Variants in IL1RAPL2 observed in about 807,000 individuals in gnomAD.
IL1RAPL2 encodes the protein X-linked interleukin-1 receptor accessory protein-like 2.
In IL1RAPL2, 3 loss-of-function variants were observed where a neutral mutation model predicts 44.1. The observed-to-expected ratio is 0.07, with a 90% CI of 0.03 to 0.18. The LOEUF (loss-of-function observed/expected upper bound fraction) is 0.18. Among genes scored for constraint, IL1RAPL2 ranks in the 10% least tolerant of loss-of-function variants. IL1RAPL2 has a pLI of 1.00. For synonymous variants in IL1RAPL2, 181 were observed against 178.8 expected, an observed-to-expected ratio of 1.01 and a Z score of -0.10; for missense variants, 391 against 496.4, an observed-to-expected ratio of 0.79 and a Z score of 2.02.
chrX:105,407,606 C>CT (rs761323014), intron 5 of IL1RAPL2, among the ~76,000 whole-genome samples: 1 of 111,471 alleles, frequency 9.0e-6, no homozygotes, highest in Admixed American at 9.6e-5. Flanking sequence ...CCCTAAGACT[C>CT]TTTTCAGGTT....
intron 2 of IL1RAPL2, among the ~76,000 whole-genome samples, chrX:104,884,344 C>T (rs12013097): frequency 0.054 from 5,986 of 111,366 alleles, 427 homozygotes; most frequent in African/African-American, 0.19. Flanking sequence ...GGGACCGTTG[C>T]GGGTTCTTGG....
At chrX:104,890,213 G>T (rs1923384258) in intron 2 of IL1RAPL2, among the ~76,000 whole-genome samples, 1 of 111,699 alleles carries the variant, frequency 9.0e-6, no homozygotes. Flanking sequence ...GGACACTTGG[G>T]TTGGTCCAAG....
intron 6 of IL1RAPL2, among the ~76,000 whole-genome samples, chrX:105,614,117 T>C (rs1181873219): frequency 8.9e-6 from 1 of 111,818 alleles, no homozygotes; most frequent in Non-Finnish European, 1.9e-5. Flanking sequence ...AGGAGTAAAT[T>C]TAACAAAAGA....
At chrX:104,684,987 T>G (rs1203723849) in intron 2 of IL1RAPL2, among the ~76,000 whole-genome samples, 1 of 111,918 alleles carries the variant, frequency 8.9e-6, no homozygotes, top group African/African-American at 3.3e-5. Context: ...TTTAAATCCA[T>G]TTTAAAGTGA....
At chrX:105,327,675 T>C (rs2034950974) in intron 5 of IL1RAPL2, among the ~76,000 whole-genome samples, 1 of 111,485 alleles carries the variant, frequency 9.0e-6, no homozygotes, top group East Asian at 2.8e-4. Flanking sequence ...GGGAAGTCCA[T>C]AGGGGCTGGT....
rs866552934 is a variant in IL1RAPL2, at chrX:105,311,657, T to C, written c.697+44116T>C. Among the ~76,000 whole-genome samples the C allele has an allele frequency of 8.5e-3, 876 of 103,230 alleles. 7 individuals carry two copies. Among genetic ancestry groups the C allele is most frequent in the Non-Finnish European group, 0.012 (630 of 51,563 alleles). The allele number at this position is 103,230 out of a possible 115,157, so 89.6% of individuals were successfully genotyped here. A position where few individuals can be genotyped will look rare whatever the true frequency, so the allele number is the denominator to read the frequency against. Reference sequence around the variant, plus strand: ...ACACACACACATATATATATATATATACACACAGACACACATATATATAAT... The same window carrying C: ...ACACACACACATATATATATATATACACACACAGACACACATATATATAAT... On this transcript the variant is annotated intron_variant, in intron 5 of 10. Coordinates refer to ENST00000372582, the MANE Select transcript of IL1RAPL2 (RefSeq NM_017416.2).
intron 2 of IL1RAPL2, among the ~76,000 whole-genome samples, chrX:105,099,381 T>C (rs1246831935): frequency 2.9e-5 from 3 of 105,141 alleles, no homozygotes; most frequent in Non-Finnish European, 5.8e-5. Context: ...CTTACAGTCA[T>C]GGCAGGGGGT....
At chrX:104,918,027 CA>C (rs201059664) in intron 2 of IL1RAPL2, among the ~76,000 whole-genome samples, 6,039 of 110,647 alleles carry the variant, frequency 0.055, 434 homozygotes, top group African/African-American at 0.19. Context: ...TTTAGGACTC[CA>C]AAAAAAATTT....
At chrX:105,642,303 T>C (rs573153180) in intron 6 of IL1RAPL2, among the ~76,000 whole-genome samples, 26 of 112,153 alleles carry the variant, frequency 2.3e-4, no homozygotes, top group African/African-American at 7.8e-4. Context: ...ACTTCCCAAG[T>C]AATATACAGA....
At chrX:105,198,950 C>T (rs1556143487) in intron 3 of IL1RAPL2, among the ~76,000 whole-genome samples, 1 of 111,701 alleles carries the variant, frequency 9.0e-6, no homozygotes, top group South Asian at 3.7e-4. Context: ...ACTTTGATCA[C>T]CTGGCTTGAG....
At chrX:105,023,834 T>A (rs1286886691) in intron 2 of IL1RAPL2, among the ~76,000 whole-genome samples, 1 of 111,561 alleles carries the variant, frequency 9.0e-6, no homozygotes, top group Non-Finnish European at 1.9e-5. Flanking sequence ...ATATTATATT[T>A]TACTCTTATC....
chrX:105,006,175 C>T (rs16984595), intron 2 of IL1RAPL2, among the ~76,000 whole-genome samples: 7,842 of 110,097 alleles, frequency 0.071, 691 homozygotes, highest in African/African-American at 0.24. Context: ...CTGCTAATTC[C>T]GAGAAAGCCA....
In IL1RAPL2 at chrX:104,897,870, AC is replaced by A. The variant is rs1165244760; in HGVS notation, c.82+238877del. ...AGAGTTGCTGGCTACTTAAAGGAGA[AC>A]CTTTTGTAAAGTGAAGAAAAGTTTA... On this transcript the variant is annotated intron_variant, in intron 2 of 10. Coordinates refer to ENST00000372582, the MANE Select transcript of IL1RAPL2 (RefSeq NM_017416.2). Among the ~76,000 whole-genome samples, 7 of 111,919 alleles carry A rather than the reference AC, an allele frequency of 6.3e-5. No individual in the cohort carries two copies. In the East Asian group the frequency reaches 2.0e-3, roughly 32 times the overall value.
chrX:105,285,693 G>T (rs1314472528), intron 5 of IL1RAPL2, among the ~76,000 whole-genome samples: 1 of 111,896 alleles, frequency 8.9e-6, no homozygotes, highest in Non-Finnish European at 1.9e-5. Flanking sequence ...ATACTCCACA[G>T]TGTCTTTCTG....
intron 5 of IL1RAPL2, among the ~76,000 whole-genome samples, chrX:105,353,312 C>G (rs146857858): frequency 0.13 from 14,438 of 111,101 alleles, 2,293 homozygotes; most frequent in African/African-American, 0.45. Context: ...GTACCAGTAC[C>G]ATGCTGTTTT....
At chrX:105,128,966 CT>C (rs1364486038) in intron 2 of IL1RAPL2, among the ~76,000 whole-genome samples, 1 of 111,441 alleles carries the variant, frequency 9.0e-6, no homozygotes, top group Non-Finnish European at 1.9e-5. Context: ...CCTTAATTAA[CT>C]TTTCTGTTGT....
At chrX:105,469,235 T>C (rs1347268235) in intron 5 of IL1RAPL2, among the ~76,000 whole-genome samples, 1 of 110,676 alleles carries the variant, frequency 9.0e-6, no homozygotes, top group Non-Finnish European at 1.9e-5. Flanking sequence ...TGGAAAAGGG[T>C]TTTGGAAAAC....
intron 6 of IL1RAPL2, among the ~76,000 whole-genome samples, chrX:105,526,357 T>C (rs1189732092): frequency 8.9e-6 from 1 of 111,748 alleles, no homozygotes; most frequent in Non-Finnish European, 1.9e-5. Flanking sequence ...CTGGGAGAAC[T>C]CAGATTAAAA....
chrX:104,582,596 TTTTCTTTC>T lies in IL1RAPL2; in HGVS notation c.-20+15583_-20+15590del, dbSNP rs201257788. Among the ~76,000 whole-genome samples the T allele has an allele frequency of 6.6e-3, 344 of 52,173 alleles. 2 individuals are homozygous for T. The highest frequency in any genetic ancestry group is 0.022 in the Middle Eastern group (2 of 90). The allele number at this position is 52,173 out of a possible 115,157, so 45.3% of individuals were successfully genotyped here. On this transcript the variant is annotated intron_variant, in intron 1 of 10. Coordinates refer to ENST00000372582, the MANE Select transcript of IL1RAPL2 (RefSeq NM_017416.2). The stretch of plus-strand genomic sequence containing the variant: ...TCTTTCTTTTTCTTTCTTTCTTTCT[TTTTCTTTC>T]TTTCTTTCTTTCTTTCTTTCTTTCT...
Sources: allele counts gnomAD v4.1 joint callset (sites outside exome capture counted in the v4.1 genomes callset), GRCh38; gene constraint gnomAD v4.1.1; transcripts MANE v1.5; gene names NCBI Gene and HGNC (gene_info 2026-07-23, HGNC 2026-07-21).